The following INPP4B variants were observed in gnomAD, a reference collection of about 807,000 sequenced individuals.
The protein encoded by INPP4B is inositol polyphosphate 4-phosphatase type II.
INPP4B carries 55 observed loss-of-function variants against 122.5 expected under a neutral mutation model. The observed-to-expected ratio is 0.45, with a 90% CI of 0.36 to 0.56. The LOEUF (loss-of-function observed/expected upper bound fraction) is 0.56. Among genes scored for constraint, INPP4B ranks in the 20% least tolerant of loss-of-function variants. The pLI is 0.00. For synonymous variants in INPP4B, 403 were observed against 388.7 expected (o/e 1.04, Z -0.43); for missense variants, 1,000 against 1,097.7 (o/e 0.91, Z 1.26).
chr4:142,215,976 C>G lies in INPP4B; in HGVS notation c.837-6950G>C, dbSNP rs1045143237. ...ATGTTGTAATTAAATAGTTGCATACCATTACAAAGCCTTTGGCATGGGTAG... is the reference window on the plus strand; with the variant it reads ...ATGTTGTAATTAAATAGTTGCATACGATTACAAAGCCTTTGGCATGGGTAG... On this transcript the variant is annotated intron_variant, in intron 12 of 25. Transcript: ENST00000262992. Among the ~76,000 whole-genome samples the G allele has an allele frequency of 2.9e-5, 4 of 136,812 alleles. No individual in the cohort carries two copies. In the Admixed American group the frequency reaches 3.0e-4, roughly 10 times the overall value. The allele number at this position is 136,812 out of a possible 152,430, so 89.8% of individuals were successfully genotyped here. A position where few individuals can be genotyped will look rare whatever the true frequency, so the allele number is the denominator to read the frequency against.
intron 11 of INPP4B, among the ~76,000 whole-genome samples, chr4:142,246,336 G>T (rs565797966): frequency 6.6e-6 from 1 of 152,166 alleles, no homozygotes; most frequent in South Asian, 2.1e-4. Flanking sequence ...TGTGAAGAAA[G>T]TCAATGGTAA....
chr4:142,627,120 T>C (rs999174986), intron 2 of INPP4B, among the ~76,000 whole-genome samples: 5 of 152,156 alleles, frequency 3.3e-5, no homozygotes, highest in Non-Finnish European at 7.4e-5. Context: ...AGTACCTCTG[T>C]GCAGTGTCAG....
intron 2 of INPP4B, among the ~76,000 whole-genome samples, chr4:142,576,044 A>G (rs1733758897): frequency 6.6e-6 from 1 of 152,090 alleles, no homozygotes; most frequent in Non-Finnish European, 1.5e-5. Flanking sequence ...TAGCCTAGAT[A>G]TCGTTATTGA....
chr4:142,558,619 A>C (rs1186212195), intron 2 of INPP4B, among the ~76,000 whole-genome samples: 6 of 150,676 alleles, frequency 4.0e-5, no homozygotes, highest in African/African-American at 1.5e-4. Flanking sequence ...CACAAGATAC[A>C]TTTATTTCTC....
intron 16 of INPP4B, among the ~76,000 whole-genome samples, chr4:142,170,407 C>G (rs528768843): frequency 6.6e-6 from 1 of 151,600 alleles, no homozygotes; most frequent in Admixed American, 6.6e-5. Context: ...TCCTTCCCTG[C>G]CCCCACATTT....
At position 142,442,405 on chromosome 4, in the gene INPP4B, C is replaced by T. The variant is rs368226035; in HGVS notation, c.-126-11020G>A. Among the ~76,000 whole-genome samples, 442 of 60,512 alleles carry T rather than the reference C, an allele frequency of 7.3e-3. 4 individuals carry two copies. Among genetic ancestry groups the T allele is most frequent in the African/African-American group, 0.019 (365 of 18,774 alleles). The allele number at this position is 60,512 out of a possible 152,430, so 39.7% of individuals were successfully genotyped here. On this transcript the variant is annotated intron_variant, in intron 3 of 25. Transcript: ENST00000262992. ...CCAGCCTGGGCAACAGAGCAAGACT[C>T]CATCTCAAAAAAAAAAAAAAAAAAA... is the stretch of plus-strand genomic sequence containing the variant.
intron 8 of INPP4B, among the ~76,000 whole-genome samples, chr4:142,307,109 T>C (rs1282162970): frequency 6.6e-6 from 1 of 152,118 alleles, no homozygotes; most frequent in East Asian, 1.9e-4. Context: ...CCGTGAGTGA[T>C]GAAGTAGAGT....
chr4:142,314,853 G>C lies in INPP4B; in HGVS notation c.373-91C>G, dbSNP rs114351052. The C allele has an allele frequency of 3.0e-6, 3 of 1,006,172 alleles. No homozygotes were observed. In the South Asian group the frequency reaches 4.7e-5, roughly 16 times the overall value. 62.3% of individuals were successfully genotyped at this position (1,006,172 alleles called of 1,614,324 possible). On this transcript the variant is annotated intron_variant, in intron 7 of 25. Coordinates refer to ENST00000262992, the MANE Select transcript of INPP4B (RefSeq NM_001101669.3). The stretch of plus-strand genomic sequence containing the variant: ...GCTGGGTTTCAATTTCCTTCATCTC[G>C]CGTCAATTCAGACTCTGTGGTTAAT...
At chr4:142,663,248 T>C (rs925979859) in intron 2 of INPP4B, among the ~76,000 whole-genome samples, 2 of 152,096 alleles carry the variant, frequency 1.3e-5, no homozygotes, top group Non-Finnish European at 2.9e-5. Context: ...TGTTAAAAGG[T>C]CACGTCAGAA....
chr4:142,206,664 A>G (rs113329643), intron 14 of INPP4B, among the ~76,000 whole-genome samples: 6 of 152,266 alleles, frequency 3.9e-5, no homozygotes, highest in African/African-American at 1.4e-4. Context: ...ATATATATGT[A>G]TACAACTTGA....
At chr4:142,402,354 G>A (rs957047342) in intron 7 of INPP4B, among the ~76,000 whole-genome samples, 3 of 152,186 alleles carry the variant, frequency 2.0e-5, no homozygotes, top group African/African-American at 7.2e-5. Context: ...GAAGGATGAT[G>A]CAATTGGAGG....
chr4:142,398,428 ATATATATATATATATAT>A (rs1562011302), intron 7 of INPP4B, among the ~76,000 whole-genome samples: 30 of 114,750 alleles, frequency 2.6e-4, no homozygotes, highest in African/African-American at 8.8e-4. Context: ...ATATATATAT[ATATATATATATATATAT>A]AAAACATATT....
intron 7 of INPP4B, among the ~76,000 whole-genome samples, chr4:142,362,075 GGA>G (rs1053678582): frequency 6.6e-6 from 1 of 151,850 alleles, no homozygotes; most frequent in African/African-American, 2.4e-5. Flanking sequence ...GAAGTTTAGA[GGA>G]GAGAGAGAGA....
chr4:142,771,581 G>A (rs1218337303), intron 1 of INPP4B, among the ~76,000 whole-genome samples: 1 of 152,122 alleles, frequency 6.6e-6, no homozygotes, highest in African/African-American at 2.4e-5. Context: ...TTTTGGTAAT[G>A]TACTGACAGG....
intron 2 of INPP4B, among the ~76,000 whole-genome samples, chr4:142,691,882 C>T (rs956133724): frequency 6.6e-6 from 1 of 152,128 alleles, no homozygotes; most frequent in Non-Finnish European, 1.5e-5. Flanking sequence ...AGGTTCTTCA[C>T]TTTTCTGGGT....
intron 3 of INPP4B, among the ~76,000 whole-genome samples, chr4:142,436,056 T>G (rs1810435388): frequency 6.6e-6 from 1 of 152,150 alleles, no homozygotes; most frequent in Non-Finnish European, 1.5e-5. Flanking sequence ...CAGGCCACAC[T>G]TTACCCCTGC....
chr4:142,466,708 AG>A (rs1186177679), intron 2 of INPP4B, among the ~76,000 whole-genome samples: 1 of 152,200 alleles, frequency 6.6e-6, no homozygotes, highest in Admixed American at 6.5e-5. Flanking sequence ...AAGGTCTCAA[AG>A]GCATTTTAGA....
intron 14 of INPP4B, among the ~76,000 whole-genome samples, chr4:142,197,255 C>T (rs924077625): frequency 6.6e-6 from 1 of 151,472 alleles, no homozygotes; most frequent in African/African-American, 2.4e-5. Flanking sequence ...CCAGTTACAA[C>T]AGCAATTCCA....
chr4:142,679,010 G>T (rs1758206460), intron 2 of INPP4B, among the ~76,000 whole-genome samples: 1 of 151,860 alleles, frequency 6.6e-6, no homozygotes, highest in South Asian at 2.1e-4. Flanking sequence ...GTTTAAGGAA[G>T]AAGTCATTTC....
Sources: allele counts gnomAD v4.1 joint callset (sites outside exome capture counted in the v4.1 genomes callset), GRCh38; gene constraint gnomAD v4.1.1; transcripts MANE v1.5; gene names NCBI Gene and HGNC (gene_info 2026-07-23, HGNC 2026-07-21).